The following COL4A2 variants were observed in gnomAD, a reference collection of about 807,000 sequenced individuals.
COL4A2 encodes the protein collagen alpha-2(IV) chain.
Under a neutral mutation model 200.2 loss-of-function variants are expected in COL4A2, and 99 were observed. The ratio of observed to expected loss-of-function variants is 0.49; its 90% confidence interval spans 0.42 to 0.58. The LOEUF (loss-of-function observed/expected upper bound fraction) is 0.58, where lower values mean the gene tolerates loss of function less well. COL4A2 is among the 20% of genes least tolerant of loss of function. The pLI, the probability that COL4A2 is intolerant of heterozygous loss-of-function variation, is 0.00. For missense variants in COL4A2, 1,950 were observed against 2,314.1 expected (o/e 0.84, Z 3.23); for synonymous variants, 897 against 900.6 (o/e 1.00, Z 0.07).
intron 4 of COL4A2, among the ~76,000 whole-genome samples, chr13:110,383,270 A>G (rs997800190): frequency 1.3e-5 from 2 of 152,240 alleles, no homozygotes; most frequent in Non-Finnish European, 2.9e-5. Flanking sequence ...TGTTGATTTG[A>G]TTAGCCATAT....
At chr13:110,491,748 C>T (rs190969966) in intron 37 of COL4A2, among the ~76,000 whole-genome samples, 5 of 152,286 alleles carry the variant, frequency 3.3e-5, no homozygotes, top group South Asian at 4.1e-4. Context: ...TACTCAGCAC[C>T]GGGGAATGCC....
chr13:110,352,672 C>CA (rs1246975317), intron 3 of COL4A2, among the ~76,000 whole-genome samples: 1 of 152,100 alleles, frequency 6.6e-6, no homozygotes, highest in Non-Finnish European at 1.5e-5. Flanking sequence ...AAGGAAGGTG[C>CA]CGGATACGGT....
intron 4 of COL4A2, among the ~76,000 whole-genome samples, chr13:110,359,098 A>T (rs1281147459): frequency 4.6e-5 from 7 of 152,226 alleles, no homozygotes; most frequent in Non-Finnish European, 1.0e-4. Context: ...TATCATTGCT[A>T]ACAATTCTCA....
intron 4 of COL4A2, among the ~76,000 whole-genome samples, chr13:110,388,999 T>C (rs550213763): frequency 6.6e-6 from 1 of 152,344 alleles, no homozygotes; most frequent in East Asian, 1.9e-4. Flanking sequence ...CCTGTCTCCT[T>C]GTGACAGATT....
intron 27 of COL4A2, chr13:110,468,425 G>C (rs921757747): frequency 4.6e-6 from 2 of 431,278 alleles, no homozygotes; most frequent in Non-Finnish European, 9.6e-6. Context: ...AGGCCAGCAC[G>C]CTCAGCACAC....
chr13:110,384,925 A>G (rs1878624216), intron 4 of COL4A2, among the ~76,000 whole-genome samples: 1 of 152,220 alleles, frequency 6.6e-6, no homozygotes, highest in African/African-American at 2.4e-5. Context: ...ATGAGGGTAC[A>G]CTGTAGGGAA....
At chr13:110,357,286 A>G (rs571593703) in intron 3 of COL4A2, among the ~76,000 whole-genome samples, 186 bp from the exon 4 acceptor site, 4 of 151,982 alleles carry the variant, frequency 2.6e-5, no homozygotes, top group Admixed American at 1.3e-4. Context: ...TGGACCTTAC[A>G]CTCGATTTTG....
At chr13:110,364,692 A>G (rs1877667419) in intron 4 of COL4A2, among the ~76,000 whole-genome samples, 1 of 152,056 alleles carries the variant, frequency 6.6e-6, no homozygotes, top group Non-Finnish European at 1.5e-5. Context: ...CTGACTTTAT[A>G]TTGTGCTTTC....
intron 3 of COL4A2, among the ~76,000 whole-genome samples, chr13:110,344,098 A>G (rs1416059154): frequency 6.6e-6 from 1 of 152,226 alleles, no homozygotes; most frequent in Non-Finnish European, 1.5e-5. Context: ...CTCCCTAACG[A>G]AACAGAAGAA....
chr13:110,442,423 C>T (rs879353993), intron 16 of COL4A2, among the ~76,000 whole-genome samples: 5 of 152,250 alleles, frequency 3.3e-5, no homozygotes, highest in Non-Finnish European at 7.3e-5. Context: ...TGTCCGCCCT[C>T]TGCCATCCCA....
At chr13:110,331,529 G>A (rs2139361980) in intron 3 of COL4A2, among the ~76,000 whole-genome samples, 1 of 152,298 alleles carries the variant, frequency 6.6e-6, no homozygotes, top group East Asian at 1.9e-4. Flanking sequence ...GCTGAGAGGT[G>A]GGAAAGGAGG....
intron 39 of COL4A2, among the ~76,000 whole-genome samples, chr13:110,493,657 T>C (rs1045934465): frequency 2.0e-5 from 3 of 152,196 alleles, no homozygotes; most frequent in African/African-American, 4.8e-5. Flanking sequence ...TTTCATTTTG[T>C]TGGCCTAAGG....
At position 110,505,101 on chromosome 13, in the gene COL4A2, A is replaced by T. The variant is rs185996358; in HGVS notation, c.4402+837A>T. Among the ~76,000 whole-genome samples the T allele has an allele frequency of 2.9e-4, 44 of 152,086 alleles. 1 individual carries two copies. The highest frequency in any genetic ancestry group is 1.8e-3 in the Admixed American group (28 of 15,286). ...CGCGGTGGCTCACGCCTGTAATCCCAGCACTTTGGGAGGCTGAGGTGGGCG... is the reference window on the plus strand; with the variant it reads ...CGCGGTGGCTCACGCCTGTAATCCCTGCACTTTGGGAGGCTGAGGTGGGCG... On this transcript the variant is annotated intron_variant, in intron 45 of 47. Coordinates refer to ENST00000360467, the MANE Select transcript of COL4A2 (RefSeq NM_001846.4).
At chr13:110,349,174 T>C (rs1876840080) in intron 3 of COL4A2, among the ~76,000 whole-genome samples, 1 of 152,224 alleles carries the variant, frequency 6.6e-6, no homozygotes, top group Non-Finnish European at 1.5e-5. Flanking sequence ...AAATTGTTTA[T>C]GTGTTTTGTT....
Position 110,405,979 on chromosome 13 carries a change from G to A in COL4A2, c.181-18755G>A, listed in dbSNP as rs868023034. Among the ~76,000 whole-genome samples the A allele has an allele frequency of 1.3e-3, 204 of 152,274 alleles. 2 individuals are homozygous for A. The highest frequency in any genetic ancestry group is 4.5e-3 in the African/African-American group (188 of 41,552). On this transcript the variant is annotated intron_variant, in intron 4 of 47. Transcript: ENST00000360467. ...GGTCATGTTCTGATGAATCCCGATC[G>A]GGGGAAGCCATGGCTGCTCTTGCAG...
intron 4 of COL4A2, among the ~76,000 whole-genome samples, chr13:110,363,507 C>T (rs532417487): frequency 6.6e-6 from 1 of 152,152 alleles, no homozygotes; most frequent in South Asian, 2.1e-4. Flanking sequence ...AACGAGTGCT[C>T]GGGGCGGGTT....
chr13:110,380,816 C>CA (rs1388782177), intron 4 of COL4A2, among the ~76,000 whole-genome samples: 6 of 148,846 alleles, frequency 4.0e-5, no homozygotes, highest in African/African-American at 1.5e-4. Context: ...GGCTCTAACT[C>CA]ACACCCACGT....
At position 110,508,263 on chromosome 13, in the gene COL4A2, G is replaced by C. The variant is rs767819130; in HGVS notation, c.4881+42G>C. ...CAGTTCCCCTCCCCAACCACACCCT[G>C]CTGGGGACACAGCAAGAACAGCTGC... On this transcript the variant is annotated intron_variant, in intron 47 of 47. Coordinates refer to ENST00000360467, the MANE Select transcript of COL4A2 (RefSeq NM_001846.4). The surrounding 1 kb of genome is among the most constrained non-coding windows in gnomAD (Gnocchi z 6.1). The C allele has an allele frequency of 1.9e-6, 3 of 1,600,648 alleles. No homozygotes were observed. The highest frequency in any genetic ancestry group is 2.6e-6 in the Non-Finnish European group (3 of 1,170,918).
At chr13:110,326,388 C>A (rs141882943) in intron 3 of COL4A2, among the ~76,000 whole-genome samples, 150 of 152,320 alleles carry the variant, frequency 9.8e-4, no homozygotes, top group African/African-American at 3.4e-3. Flanking sequence ...TCCTCGTGCA[C>A]CTAAACCTCA....
Sources: gnomAD v4.1 joint callset for allele counts (sites outside exome capture counted in the v4.1 genomes callset) on GRCh38, gnomAD v4.1.1 for gene constraint, Gnocchi (gnomAD v3.1) non-coding constraint, MANE v1.5 for transcripts, NCBI Gene and HGNC (gene_info 2026-07-23, HGNC 2026-07-21) for gene names.